The following ITPR2 variants were observed in gnomAD, a reference collection of about 807,000 sequenced individuals.
The protein encoded by ITPR2 is inositol 1,4,5-trisphosphate-gated calcium channel ITPR2.
In ITPR2, 207 loss-of-function variants were observed where a neutral mutation model predicts 317.1. The observed-to-expected ratio is 0.65, with a 90% CI of 0.58 to 0.73. The LOEUF is 0.73. Among genes scored for constraint, ITPR2 ranks in the 30% least tolerant of loss-of-function variants. ITPR2 has a pLI of 0.00. For missense variants in ITPR2, 2,613 were observed against 3,284.0 expected (o/e 0.80, Z 4.99); for synonymous variants, 1,156 against 1,149.1 (o/e 1.01, Z -0.12).
Position 26,655,737 on chromosome 12 carries a change from C to A in ITPR2, c.2560G>T (p.Asp854Tyr), listed in dbSNP as rs1199548032. The stretch of plus-strand genomic sequence containing the variant: ...AATGTCAGTTTATTTTTTTCTTTAT[C>A]CCCAAAAGGAAAGGGCTGGTTTACA... ...EVVNQPFPFGDKEKNKLTFEV... is the reference protein window; with the variant it reads ...EVVNQPFPFGYKEKNKLTFEV... Residue 854 changes from aspartate to tyrosine, a missense_variant, in exon 20 of 57, where the codon GAT becomes TAT. By Grantham distance (160) the Asp-to-Tyr change is radical. Transcript: ENST00000381340. The A allele has an allele frequency of 1.2e-6, 2 of 1,611,934 alleles. No homozygotes were observed. The highest frequency in any genetic ancestry group is 1.1e-5 in the South Asian group (1 of 90,934).
chr12:26,382,175 A>G (rs371022798), intron 55 of ITPR2, among the ~76,000 whole-genome samples: 66 of 152,140 alleles, frequency 4.3e-4, no homozygotes, highest in Middle Eastern at 3.4e-3. Context: ...ACTTTCCTGT[A>G]TGGTCGCTCC....
chr12:26,643,617 T>C (rs750379426), intron 21 of ITPR2, among the ~76,000 whole-genome samples: 8 of 152,206 alleles, frequency 5.3e-5, no homozygotes, highest in African/African-American at 1.2e-4. Flanking sequence ...AGGTATCAGA[T>C]AGAAATGAGG....
At chr12:26,490,329 A>C (rs1004416454) in intron 39 of ITPR2, among the ~76,000 whole-genome samples, 2 of 152,270 alleles carry the variant, frequency 1.3e-5, no homozygotes, top group African/African-American at 4.8e-5. Flanking sequence ...CAGCTAGGAA[A>C]GACTTTGTGA....
chr12:26,481,883 T>C (rs1942552370), intron 42 of ITPR2, among the ~76,000 whole-genome samples: 1 of 152,108 alleles, frequency 6.6e-6, no homozygotes, highest in Non-Finnish European at 1.5e-5. Context: ...TTGGGGAAAA[T>C]TTATGAAACA....
intron 26 of ITPR2, among the ~76,000 whole-genome samples, chr12:26,610,929 C>T (rs1325503231): frequency 6.6e-6 from 1 of 152,176 alleles, no homozygotes; most frequent in Non-Finnish European, 1.5e-5. Flanking sequence ...GCACAGGTGC[C>T]CCCTCCTCCC....
chr12:26,653,248 T>C (rs941336009), intron 21 of ITPR2, among the ~76,000 whole-genome samples: 16 of 145,514 alleles, frequency 1.1e-4, no homozygotes, highest in African/African-American at 4.1e-4. Flanking sequence ...TTTCTTTTTT[T>C]TTTTTTTTTT....
intron 45 of ITPR2, among the ~76,000 whole-genome samples, chr12:26,466,856 C>G (rs749745392): frequency 3.9e-5 from 6 of 152,174 alleles, no homozygotes; most frequent in Non-Finnish European, 8.8e-5. Flanking sequence ...ACAAGTGCCT[C>G]TGTGAGTTGA....
intron 37 of ITPR2, among the ~76,000 whole-genome samples, chr12:26,530,993 T>C (rs911170357): frequency 2.0e-5 from 3 of 152,252 alleles, no homozygotes; most frequent in African/African-American, 7.2e-5. Context: ...GAACTATCAA[T>C]ATTTTTAGAT....
chr12:26,493,693 AT>A (rs1942862906), intron 39 of ITPR2, among the ~76,000 whole-genome samples: 1 of 152,158 alleles, frequency 6.6e-6, no homozygotes, highest in Non-Finnish European at 1.5e-5. Context: ...ATGTACAATT[AT>A]TATTATTTAA....
intron 48 of ITPR2, among the ~76,000 whole-genome samples, chr12:26,429,417 C>T (rs1281433140): frequency 6.6e-6 from 1 of 152,154 alleles, no homozygotes; most frequent in Non-Finnish European, 1.5e-5. Context: ...AAGTTACCTT[C>T]AATTCTTGTC....
At chr12:26,559,505 T>G (rs1284239662) in intron 35 of ITPR2, among the ~76,000 whole-genome samples, 1 of 152,150 alleles carries the variant, frequency 6.6e-6, no homozygotes, top group Non-Finnish European at 1.5e-5. Flanking sequence ...TGCACGGGCC[T>G]ATTTTATAGG....
chr12:26,352,521 T>C (rs187911024), intron 55 of ITPR2, among the ~76,000 whole-genome samples: 114 of 152,352 alleles, frequency 7.5e-4, no homozygotes, highest in African/African-American at 2.6e-3. Context: ...TTGCTGTTGT[T>C]TGCAACATAG....
rs141401643 is a variant in ITPR2, at chr12:26,813,620, C to A, written c.92+19070G>T. 2.5e-3 allele frequency among the ~76,000 whole-genome samples: 385 copies of A among 152,270 alleles called. 1 individual carries two copies. The highest frequency in any genetic ancestry group is 7.7e-3 in the African/African-American group (319 of 41,556). ...TTTCCTCTTTGACCCCTCACCATTA[C>A]CCCCATCCTTGATTTCCTTAGAATC... On this transcript the variant is annotated intron_variant, in intron 1 of 56. Transcript: ENST00000381340.
intron 37 of ITPR2, among the ~76,000 whole-genome samples, chr12:26,499,101 TTAC>T (rs1943014237): frequency 6.6e-6 from 1 of 152,210 alleles, no homozygotes; most frequent in Non-Finnish European, 1.5e-5. Flanking sequence ...TTTTTACCAT[TTAC>T]TTTTTAAAAT....
At chr12:26,784,430 C>T (rs1950170492) in intron 2 of ITPR2, among the ~76,000 whole-genome samples, 1 of 149,868 alleles carries the variant, frequency 6.7e-6, no homozygotes, top group Non-Finnish European at 1.5e-5. Context: ...GCTGCCATCT[C>T]GGCTCGCTGC....
chr12:26,436,346 T>C lies in ITPR2; in HGVS notation c.6644A>G (p.Asn2215Ser), dbSNP rs1055359332. The C allele has an allele frequency of 3.1e-6, 5 of 1,600,786 alleles. No individual in the cohort carries two copies. The Admixed American group carries it at 8.9e-5, about 28-fold the overall frequency. ...CGAGAACCAGAACAGTGCAGGGTTATCTAGGAAGTGAGAAATGTAAAGGAA... is the reference window on the plus strand; with the variant it reads ...CGAGAACCAGAACAGTGCAGGGTTACCTAGGAAGTGAGAAATGTAAAGGAA... ...NEMKWQKKIR[N>S]NPALFWFSRH... The change falls in exon 48 of 57, where the codon AAT (asparagine) becomes AGT (serine). Residue 2215 changes from asparagine to serine, a missense_variant and splice_region_variant. Around this residue, in one of 9 missense-constraint regions of ITPR2, gnomAD observed 926 missense variants for 1,072.8 expected, o/e 0.86. Coordinates refer to ENST00000381340, the MANE Select transcript of ITPR2 (RefSeq NM_002223.4).
rs769779515 is a variant in ITPR2, at chr12:26,602,416, C to T, written c.3632G>A (p.Gly1211Glu). Residue 1211 changes from glycine to glutamate, a missense_variant, in exon 28 of 57, where the codon GGG (glycine) becomes GAG (glutamate). Physicochemically the swap from Gly to Glu is moderately conservative, Grantham distance 98 (BLOSUM62 -2). Coordinates refer to ENST00000381340, the MANE Select transcript of ITPR2 (RefSeq NM_002223.4). ...AAGATCCAACACCACCGAATGCGCC[C>T]CCATATTTTTCAGTAATCGTTGATG... ...NQHQRLLKNM[G>E]AHSVVLDLLQ... 7 of 1,613,670 alleles carry T rather than the reference C, an allele frequency of 4.3e-6. No individual in the cohort carries two copies. Among genetic ancestry groups the T allele is most frequent in the East Asian group, 2.2e-5 (1 of 44,860 alleles).
chr12:26,627,821 A>G (rs2136823250), intron 23 of ITPR2, among the ~76,000 whole-genome samples: 1 of 152,310 alleles, frequency 6.6e-6, no homozygotes, highest in Non-Finnish European at 1.5e-5. Flanking sequence ...TACCAAATGT[A>G]GATGACGGGT....
intron 52 of ITPR2, among the ~76,000 whole-genome samples, chr12:26,406,304 A>C (rs148688747): frequency 1.3e-5 from 2 of 152,084 alleles, no homozygotes; most frequent in East Asian, 3.9e-4. Context: ...GTACATTCGA[A>C]TGATTTTTAC....
Sources: allele counts gnomAD v4.1 joint callset (sites outside exome capture counted in the v4.1 genomes callset), GRCh38; gene constraint gnomAD v4.1.1; regional missense constraint gnomAD v4.1.1; transcripts MANE v1.5; gene names NCBI Gene and HGNC (gene_info 2026-07-23, HGNC 2026-07-21).